The following STXBP5L variants were observed in gnomAD, a reference collection of about 807,000 sequenced individuals.
STXBP5L encodes syntaxin-binding protein 5-like.
Under a neutral mutation model 144.5 loss-of-function variants are expected in STXBP5L, and 65 were observed. That is an observed-to-expected ratio of 0.45 (90% CI 0.37 to 0.55). The LOEUF (loss-of-function observed/expected upper bound fraction) is 0.55, where lower values mean the gene tolerates loss of function less well. Among genes scored for constraint, STXBP5L ranks in the 20% least tolerant of loss-of-function variants. STXBP5L has a pLI of 0.00. For missense variants in STXBP5L, 1,298 were observed against 1,405.5 expected (o/e 0.92, Z 1.22); for synonymous variants, 505 against 469.6 (o/e 1.08, Z -0.97).
chr3:121,067,858 A>G (rs143300611), intron 5 of STXBP5L, among the ~76,000 whole-genome samples: 148 of 152,228 alleles, frequency 9.7e-4, no homozygotes, highest in Admixed American at 1.9e-3. Flanking sequence ...CTCTGTAGTA[A>G]TATATCTTGT....
rs958156598 is a variant in STXBP5L, at chr3:121,347,730, G to A, written c.2176+29190G>A. Among the ~76,000 whole-genome samples, 7 of 152,238 alleles carry A rather than the reference G, an allele frequency of 4.6e-5. 1 individual carries two copies. Among genetic ancestry groups the A allele is most frequent in the African/African-American group, 1.4e-4 (6 of 41,554 alleles). On this transcript the variant is annotated intron_variant, in intron 20 of 26. Transcript: ENST00000471454. ...TTCTCTTTGAAGCAATTGTGAATGG[G>A]AGTTCACTCATGATTTGGCTCTCTT...
chr3:120,978,716 G>A (rs978226553), intron 3 of STXBP5L, among the ~76,000 whole-genome samples: 1 of 152,110 alleles, frequency 6.6e-6, no homozygotes, highest in African/African-American at 2.4e-5. Context: ...TGTACAGATG[G>A]GTTTTGGTGT....
At chr3:120,991,576 C>T (rs1385057181) in intron 3 of STXBP5L, among the ~76,000 whole-genome samples, 1 of 152,168 alleles carries the variant, frequency 6.6e-6, no homozygotes, top group African/African-American at 2.4e-5. Context: ...GACTTGGAAC[C>T]AACCCAAATG....
At chr3:121,051,391 A>G (rs552131431) in intron 5 of STXBP5L, among the ~76,000 whole-genome samples, 6 of 152,348 alleles carry the variant, frequency 3.9e-5, no homozygotes, top group Admixed American at 1.3e-4. Flanking sequence ...ACTGTCTCTC[A>G]GACAACAGTG....
intron 7 of STXBP5L, among the ~76,000 whole-genome samples, chr3:121,138,978 G>A (rs2045379909): frequency 6.6e-6 from 1 of 151,946 alleles, no homozygotes; most frequent in Non-Finnish European, 1.5e-5. Flanking sequence ...CAAGTGAAAT[G>A]TTAGTTATAG....
At chr3:121,082,297 AT>A (rs375764216) in intron 5 of STXBP5L, among the ~76,000 whole-genome samples, 66 of 150,474 alleles carry the variant, frequency 4.4e-4, no homozygotes, top group African/African-American at 1.2e-3. Flanking sequence ...TTCTTTCATC[AT>A]TTTTTTTTGG....
intron 20 of STXBP5L, among the ~76,000 whole-genome samples, chr3:121,335,047 C>G (rs1026461401): frequency 6.6e-6 from 1 of 152,120 alleles, no homozygotes; most frequent in Non-Finnish European, 1.5e-5. Context: ...GATTTTATAT[C>G]TAGAAAACCC....
At chr3:121,407,174 A>G in intron 22 of STXBP5L, 69 bp from the exon 23 acceptor site, 1 of 1,501,908 alleles carries the variant, frequency 6.7e-7, no homozygotes, top group Non-Finnish European at 8.9e-7. Flanking sequence ...TCACAATGTA[A>G]AACTTTAATT....
At chr3:121,411,833 T>A (rs1171008903) in intron 23 of STXBP5L, among the ~76,000 whole-genome samples, 4 of 152,044 alleles carry the variant, frequency 2.6e-5, no homozygotes, top group African/African-American at 9.7e-5. Flanking sequence ...CCACAACACA[T>A]CTCTGTCAGT....
At chr3:121,012,534 G>C (rs1208120350) in intron 3 of STXBP5L, among the ~76,000 whole-genome samples, 9 of 151,762 alleles carry the variant, frequency 5.9e-5, no homozygotes, top group Non-Finnish European at 8.8e-5. Context: ...AGTGGCTGTA[G>C]AGTGGTATTT....
chr3:121,361,255 A>G (rs2045703887), intron 20 of STXBP5L, among the ~76,000 whole-genome samples: 1 of 152,130 alleles, frequency 6.6e-6, no homozygotes, highest in African/African-American at 2.4e-5. Flanking sequence ...TGATTATTAA[A>G]TGCCTTGAGG....
At chr3:121,267,009 C>CT (rs145735739) in intron 18 of STXBP5L, among the ~76,000 whole-genome samples, 45 of 151,950 alleles carry the variant, frequency 3.0e-4, no homozygotes, top group South Asian at 2.5e-3. Context: ...AGATTCAATG[C>CT]TATCCCCATC....
At chr3:120,985,638 G>A (rs1942218173) in intron 3 of STXBP5L, among the ~76,000 whole-genome samples, 1 of 151,756 alleles carries the variant, frequency 6.6e-6, no homozygotes, top group Non-Finnish European at 1.5e-5. Flanking sequence ...TTTCTCTGTG[G>A]TTAGTGTTGG....
chr3:121,414,975 C>G (rs934840647), intron 24 of STXBP5L, among the ~76,000 whole-genome samples: 1 of 152,056 alleles, frequency 6.6e-6, no homozygotes, highest in Non-Finnish European at 1.5e-5. Context: ...AGTCATTTCT[C>G]GGTTTCTGGC....
At chr3:120,935,970 C>T (rs1710244805) in intron 2 of STXBP5L, among the ~76,000 whole-genome samples, 1 of 152,096 alleles carries the variant, frequency 6.6e-6, no homozygotes, top group Non-Finnish European at 1.5e-5. Context: ...GTTTCTTTCT[C>T]TTGACCTTTC....
At chr3:120,962,897 C>T (rs1180224296) in intron 3 of STXBP5L, among the ~76,000 whole-genome samples, 2 of 152,172 alleles carry the variant, frequency 1.3e-5, no homozygotes, top group African/African-American at 4.8e-5. Context: ...TTGATTCTTC[C>T]TATCCATGAG....
At chr3:121,002,864 G>A (rs1401306679) in intron 3 of STXBP5L, among the ~76,000 whole-genome samples, 1 of 152,048 alleles carries the variant, frequency 6.6e-6, no homozygotes, top group Non-Finnish European at 1.5e-5. Flanking sequence ...CTTCATCCAT[G>A]TCCCTACAAA....
intron 5 of STXBP5L, among the ~76,000 whole-genome samples, chr3:121,083,214 A>G (rs1040772590): frequency 2.0e-5 from 3 of 152,056 alleles, no homozygotes; most frequent in African/African-American, 4.8e-5. Flanking sequence ...ACAACCAAAA[A>G]AACAAAAAAA....
chr3:121,102,468 T>A (rs2043481514), intron 5 of STXBP5L, among the ~76,000 whole-genome samples: 1 of 152,104 alleles, frequency 6.6e-6, no homozygotes, highest in Non-Finnish European at 1.5e-5. Context: ...GGAAAAGTAC[T>A]CCCTATTCAA....
Sources: allele counts gnomAD v4.1 joint callset (sites outside exome capture counted in the v4.1 genomes callset), GRCh38; gene constraint gnomAD v4.1.1; transcripts MANE v1.5; gene names NCBI Gene and HGNC (gene_info 2026-07-23, HGNC 2026-07-21).